SIMC1: variants seen among roughly 807,000 people sequenced by gnomAD.
SIMC1 encodes the protein SUMO interacting motifs containing 1.
SIMC1 carries 55 observed loss-of-function variants against 82.3 expected under a neutral mutation model. The ratio of observed to expected loss-of-function variants is 0.67; its 90% CI spans 0.54 to 0.84. The LOEUF (loss-of-function observed/expected upper bound fraction) is 0.84. Among genes scored for constraint, SIMC1 ranks in the 40% least tolerant of loss-of-function variants. SIMC1 has a pLI of 0.00. For missense variants in SIMC1, 915 were observed against 1,107.2 expected (o/e 0.83, Z 2.46); for synonymous variants, 353 against 426.3 (o/e 0.83, Z 2.12).
chr5:176,279,264 G>T (rs1371345401), intron 1 of SIMC1, among the ~76,000 whole-genome samples: 1 of 152,108 alleles, frequency 6.6e-6, no homozygotes, highest in African/African-American at 2.4e-5. Flanking sequence ...TTCTCTGATG[G>T]TTCTTTGTGT....
At chr5:176,338,667 A>T (rs896304828) in intron 9 of SIMC1, among the ~76,000 whole-genome samples, 4 of 152,310 alleles carry the variant, frequency 2.6e-5, no homozygotes, top group East Asian at 3.9e-4. Flanking sequence ...GGAAAAAAGT[A>T]TACAAGTGAA....
intron 5 of SIMC1, among the ~76,000 whole-genome samples, chr5:176,318,799 A>G (rs1765025897): frequency 6.6e-6 from 1 of 152,236 alleles, no homozygotes; most frequent in Non-Finnish European, 1.5e-5. Context: ...TCTAGCTTCC[A>G]GAATTGCTGT....
intron 1 of SIMC1, among the ~76,000 whole-genome samples, chr5:176,283,969 A>G (rs1015362681): frequency 1.3e-5 from 2 of 152,226 alleles, no homozygotes; most frequent in Admixed American, 6.5e-5. Context: ...CAACAAGAAG[A>G]CCTAACTATC....
chr5:176,274,210 G>A (rs1242722079), intron 1 of SIMC1, among the ~76,000 whole-genome samples: 1 of 140,698 alleles, frequency 7.1e-6, no homozygotes, highest in African/African-American at 2.6e-5. Flanking sequence ...ACTGGTGTGA[G>A]ATGATATCTC....
intron 1 of SIMC1, among the ~76,000 whole-genome samples, chr5:176,241,993 T>C (rs1761291390): frequency 1.3e-5 from 2 of 152,076 alleles, no homozygotes; most frequent in Admixed American, 6.6e-5. Context: ...TTTGTATGGG[T>C]TTCATGGTGT....
intron 1 of SIMC1, among the ~76,000 whole-genome samples, chr5:176,281,192 C>T (rs371736058): frequency 6.6e-6 from 1 of 152,326 alleles, no homozygotes; most frequent in East Asian, 1.9e-4. Context: ...CATCTTCCAT[C>T]GCTGATACCC....
intron 4 of SIMC1, chr5:176,304,288 A>G (rs914799585): frequency 6.5e-6 from 1 of 153,992 alleles, no homozygotes; most frequent in African/African-American, 2.4e-5. Context: ...GGCTCACTGC[A>G]ACCTCCCTGC....
At chr5:176,323,724 C>T (rs1765256098) in intron 6 of SIMC1, among the ~76,000 whole-genome samples, 1 of 152,122 alleles carries the variant, frequency 6.6e-6, no homozygotes, top group African/African-American at 2.4e-5. Context: ...TGGTGGCTCA[C>T]GCCTGTAATC....
intron 5 of SIMC1, among the ~76,000 whole-genome samples, chr5:176,319,100 C>T (rs917673820): frequency 2.0e-5 from 3 of 151,926 alleles, no homozygotes; most frequent in Admixed American, 1.3e-4. Context: ...CAGAGCAAGA[C>T]CCTGTCTCAG....
intron 1 of SIMC1, among the ~76,000 whole-genome samples, chr5:176,281,593 C>T (rs1237767513): frequency 2.6e-5 from 4 of 152,220 alleles, no homozygotes; most frequent in South Asian, 2.1e-4. Context: ...TGGTGATGTA[C>T]GGATGGGTTT....
rs61234855 is a variant in SIMC1 at position 176,313,884 on chromosome 5, G to A, written c.1889+39G>A. On this transcript the variant is annotated intron_variant, in intron 5 of 9. Coordinates refer to ENST00000429602, the MANE Select transcript of SIMC1 (RefSeq NM_001308195.2). ...TGAGCCCTCGGATGAGAAGAGGTAA[G>A]GGATTATAGGTGGGCAGCTGCTGAA... 7.5e-4 allele frequency: 1,205 copies of A among 1,608,004 alleles called. 10 individuals are homozygous for A. The African/African-American group carries it at 0.014, about 19-fold the overall frequency.
rs375596432 is a variant in SIMC1, at chr5:176,322,301, G to A, written c.1918G>A (p.Val640Ile). Reference protein sequence around the residue: ...RDVIKWLVKAVTEDGLTQPPN... With the variant: ...RDVIKWLVKAITEDGLTQPPN... ...TGTTATCAAGTGGCTGGTCAAAGCAGTAACTGAAGATGGATTGACTCAGCC... is the reference window on the plus strand; with the variant it reads ...TGTTATCAAGTGGCTGGTCAAAGCAATAACTGAAGATGGATTGACTCAGCC... The change falls in exon 6 of 10, where the codon GTA (valine) becomes ATA (isoleucine). Residue 640 changes from valine (V) to isoleucine (I), a missense_variant. Transcript: ENST00000429602. 1.2e-5 allele frequency: 19 copies of A among 1,571,212 alleles called. No homozygotes were observed. Among genetic ancestry groups the A allele is most frequent in the Non-Finnish European group, 1.6e-5 (18 of 1,157,702 alleles).
intron 1 of SIMC1, among the ~76,000 whole-genome samples, chr5:176,262,848 T>A (rs1235545282): frequency 6.6e-6 from 1 of 151,750 alleles, no homozygotes; most frequent in Non-Finnish European, 1.5e-5. Flanking sequence ...GAAATAAAAT[T>A]GTCTTTGTTC....
chr5:176,271,349 G>A (rs916315145), intron 1 of SIMC1, among the ~76,000 whole-genome samples: 30 of 152,024 alleles, frequency 2.0e-4, no homozygotes, highest in African/African-American at 7.0e-4. Flanking sequence ...GACAGAGCAA[G>A]GCTCTGTCTC....
At chr5:176,300,443 C>G (rs912707242) in intron 4 of SIMC1, among the ~76,000 whole-genome samples, 2 of 152,002 alleles carry the variant, frequency 1.3e-5, no homozygotes. Context: ...CTCAGCCTCT[C>G]AAGTAGCTGG....
intron 2 of SIMC1, among the ~76,000 whole-genome samples, chr5:176,294,642 A>G (rs1425304894): frequency 6.6e-6 from 1 of 150,706 alleles, no homozygotes; most frequent in East Asian, 1.9e-4. Context: ...TCTTCAACGT[A>G]TTCTAGAACC....
intron 1 of SIMC1, among the ~76,000 whole-genome samples, chr5:176,245,149 T>C (rs1761396121): frequency 6.6e-6 from 1 of 152,212 alleles, no homozygotes; most frequent in South Asian, 2.1e-4. Flanking sequence ...TATTTAGAAA[T>C]AGGGTCATTG....
chr5:176,308,595 G>A (rs1764529117), intron 4 of SIMC1: 8 of 1,583,358 alleles, frequency 5.1e-6, no homozygotes, highest in Middle Eastern at 3.7e-4. Context: ...ATCCATACAG[G>A]CCCAAAAGAG....
intron 1 of SIMC1, among the ~76,000 whole-genome samples, chr5:176,286,797 C>T (rs537044732): frequency 1.4e-4 from 22 of 152,058 alleles, no homozygotes; most frequent in African/African-American, 5.1e-4. Context: ...AAAAAATCAA[C>T]CCTATCAAAA....
Sources: allele counts gnomAD v4.1 joint callset (sites outside exome capture counted in the v4.1 genomes callset), GRCh38; gene constraint gnomAD v4.1.1; transcripts MANE v1.5; gene names NCBI Gene and HGNC (gene_info 2026-07-23, HGNC 2026-07-21).